OCA2: variants seen among roughly 807,000 people sequenced by gnomAD.
OCA2 encodes OCA2 melanosomal transmembrane protein.
A neutral mutation model predicts 100.2 loss-of-function variants in OCA2; 77 were observed. The ratio of observed to expected loss-of-function variants is 0.77; its 90% CI spans 0.64 to 0.93. The LOEUF (loss-of-function observed/expected upper bound fraction) is 0.93, where lower values mean the gene tolerates loss of function less well. Among genes scored for constraint, OCA2 ranks in the 40% least tolerant of loss-of-function variants. The pLI, the probability that OCA2 is intolerant of heterozygous loss-of-function variation, is 0.00. For missense variants in OCA2, 1,062 were observed against 1,089.1 expected (o/e 0.98, Z 0.35); for synonymous variants, 432 against 439.2 (o/e 0.98, Z 0.21).
At chr15:27,743,437 C>T in the OCA2 span, among the ~76,000 whole-genome samples, 3 of 152,192 alleles carry the variant, frequency 2.0e-5, no homozygotes, top group East Asian at 1.9e-4. Flanking sequence ...AAGGGTCCCT[C>T]GTCTGGGCTT....
chr15:28,002,566 T>C (rs1011351691), intron 9 of OCA2, among the ~76,000 whole-genome samples: 2 of 152,146 alleles, frequency 1.3e-5, no homozygotes, highest in African/African-American at 2.4e-5. Context: ...GGAGATTGTG[T>C]ACCTGGTTTG....
At chr15:27,913,440 T>C (rs535290803) in intron 19 of OCA2, among the ~76,000 whole-genome samples, 19 of 152,112 alleles carry the variant, frequency 1.2e-4, no homozygotes, top group Admixed American at 8.5e-4. Flanking sequence ...GTGTTATCCA[T>C]CATTCTCAAA....
intron 6 of OCA2, among the ~76,000 whole-genome samples, chr15:28,019,890 G>C (rs2042536974): frequency 6.6e-6 from 1 of 152,188 alleles, no homozygotes. Flanking sequence ...CTTTCACAAA[G>C]AGAGGGTCCG....
At chr15:27,762,746 A>C (rs753212893) in intron 23 of OCA2, among the ~76,000 whole-genome samples, 9 of 152,204 alleles carry the variant, frequency 5.9e-5, no homozygotes, top group Non-Finnish European at 1.0e-4. Flanking sequence ...CCTTATGCCC[A>C]ACCTTTCTGG....
At chr15:27,862,186 C>G (rs1468525238) in intron 21 of OCA2, among the ~76,000 whole-genome samples, 1 of 148,548 alleles carries the variant, frequency 6.7e-6, no homozygotes, top group African/African-American at 2.6e-5. Context: ...TCCTCATGGA[C>G]AGAAAGCATG....
chr15:28,046,976 C>T (rs763714388), intron 2 of OCA2, among the ~76,000 whole-genome samples: 7 of 152,296 alleles, frequency 4.6e-5, no homozygotes, highest in Non-Finnish European at 1.0e-4. Context: ...TTATTGGGAA[C>T]AACTCTAGAT....
chr15:28,043,179 T>C lies in OCA2; in HGVS notation c.228-11016A>G, dbSNP rs192681773. On this transcript the variant is annotated intron_variant, in intron 2 of 23. Transcript: ENST00000354638. The surrounding 1 kb of genome is among the most constrained non-coding windows in gnomAD (Gnocchi z 4.4). ...GAGCAATTTTAGGATTACTTGGATG[T>C]AAGAACATCACCTGTATTTAAGGTC... 2.0e-5 allele frequency among the ~76,000 whole-genome samples: 3 copies of C among 152,192 alleles called. No homozygotes were observed. The highest frequency in any genetic ancestry group is 4.4e-5 in the Non-Finnish European group (3 of 68,016).
intron 23 of OCA2, among the ~76,000 whole-genome samples, chr15:27,799,629 C>T (rs2033503732): frequency 6.6e-6 from 1 of 151,934 alleles, no homozygotes; most frequent in Non-Finnish European, 1.5e-5. Context: ...CCTGTAATTC[C>T]AGCTACTCAG....
At chr15:27,946,220 C>T (rs544392098) in intron 18 of OCA2, among the ~76,000 whole-genome samples, 41 of 152,262 alleles carry the variant, frequency 2.7e-4, no homozygotes, top group Non-Finnish European at 5.4e-4. Context: ...GCTCAGAAAG[C>T]AATACCCCAA....
Position 27,983,537 on chromosome 15 carries a change from C to A in OCA2, c.1365-54G>T, listed in dbSNP as rs569568981. The stretch of plus-strand genomic sequence containing the variant: ...GTCCCACTATACACATCGTGAAAGG[C>A]CCACATGCAACCCAGAGATTTTTAA... On this transcript the variant is annotated intron_variant, in intron 13 of 23. Coordinates refer to ENST00000354638, the MANE Select transcript of OCA2 (RefSeq NM_000275.3). 7 of 1,594,602 alleles carry A rather than the reference C, an allele frequency of 4.4e-6. No individual in the cohort carries two copies. The African/African-American group carries it at 8.0e-5, about 18-fold the overall frequency.
chr15:27,811,417 C>T (rs984450895), intron 23 of OCA2, among the ~76,000 whole-genome samples: 2 of 152,078 alleles, frequency 1.3e-5, no homozygotes, highest in African/African-American at 4.8e-5. Context: ...GTACAATGTA[C>T]ACTCCTCAGG....
chr15:27,720,537 T>C, the OCA2 span, among the ~76,000 whole-genome samples: 1 of 151,198 alleles, frequency 6.6e-6, no homozygotes, highest in Admixed American at 6.6e-5. Flanking sequence ...TACATATGTA[T>C]GTTTTTATAT....
intron 10 of OCA2, among the ~76,000 whole-genome samples, chr15:27,990,121 C>T (rs1442591055): frequency 6.6e-6 from 1 of 152,152 alleles, no homozygotes; most frequent in Non-Finnish European, 1.5e-5. Flanking sequence ...TTTCCCATGT[C>T]CCTGCCAGAG....
At chr15:27,863,659 G>T (rs1298487184) in intron 21 of OCA2, among the ~76,000 whole-genome samples, 2 of 152,070 alleles carry the variant, frequency 1.3e-5, no homozygotes, top group South Asian at 4.1e-4. Flanking sequence ...GGCCACGCTG[G>T]GTCCCCTGGG....
intron 23 of OCA2, among the ~76,000 whole-genome samples, chr15:27,759,613 G>A (rs1046710701): frequency 1.3e-5 from 2 of 151,904 alleles, no homozygotes; most frequent in South Asian, 2.1e-4. Context: ...TCAATCCACC[G>A]AGAGATCATA....
At chr15:27,831,821 T>C (rs2034969467) in intron 23 of OCA2, among the ~76,000 whole-genome samples, 1 of 152,190 alleles carries the variant, frequency 6.6e-6, no homozygotes, top group East Asian at 1.9e-4. Context: ...CTCTGGTCCA[T>C]GTCCCTTTCC....
intron 7 of OCA2, among the ~76,000 whole-genome samples, chr15:28,017,407 C>T (rs568645974): frequency 1.4e-4 from 21 of 152,278 alleles, no homozygotes; most frequent in Admixed American, 3.3e-4. Flanking sequence ...GCAGCGGGAC[C>T]GCAGGCTGTG....
intron 2 of OCA2, among the ~76,000 whole-genome samples, chr15:28,040,144 T>C (rs34206273): frequency 0.14 from 21,375 of 152,048 alleles, 2,028 homozygotes; most frequent in Non-Finnish European, 0.21. Context: ...GTGGAGCCAT[T>C]GCATGCCAAG....
chr15:27,765,502 TGAGGCTCCA>T (rs1429266772), intron 23 of OCA2, among the ~76,000 whole-genome samples: 1 of 152,228 alleles, frequency 6.6e-6, no homozygotes, highest in African/African-American at 2.4e-5. Context: ...GTAAATTTCC[TGAGGCTCCA>T]GAGGAAGGTT....
Sources: gnomAD v4.1 joint callset for allele counts (sites outside exome capture counted in the v4.1 genomes callset) on GRCh38, gnomAD v4.1.1 for gene constraint, Gnocchi (gnomAD v3.1) non-coding constraint, MANE v1.5 for transcripts, NCBI Gene and HGNC (gene_info 2026-07-23, HGNC 2026-07-21) for gene names.